Variants in HIVEP2 observed in about 807,000 individuals in gnomAD.
HIVEP2 encodes HIVEP zinc finger 2, also known as transcription factor HIVEP2.
A neutral mutation model predicts 180.7 loss-of-function variants in HIVEP2; 14 were observed. The ratio of observed to expected loss-of-function variants is 0.08; its 90% confidence interval spans 0.05 to 0.12. The LOEUF (loss-of-function observed/expected upper bound fraction) is 0.12, where lower values mean the gene tolerates loss of function less well. HIVEP2 is among the 10% of genes least tolerant of loss of function. HIVEP2 has a pLI of 1.00. For missense variants in HIVEP2, 2,579 were observed against 3,008.5 expected (o/e 0.86, Z 3.34); for synonymous variants, 1,184 against 1,136.4 (o/e 1.04, Z -0.84).
rs117221858 is a variant in HIVEP2 at position 142,886,086 on chromosome 6, G to A, written c.-640-49039C>T. 4.1e-3 allele frequency among the ~76,000 whole-genome samples: 625 copies of A among 152,210 alleles called. 6 individuals carry two copies. Among genetic ancestry groups the A allele is most frequent in the Non-Finnish European group, 3.2e-3 (216 of 67,996 alleles). On this transcript the variant is annotated intron_variant, in intron 1 of 9. Coordinates refer to ENST00000367603, the MANE Select transcript of HIVEP2 (RefSeq NM_006734.4). ...CAAAAATCCTGACATTTTGCCCACTGTATTTGCAGTTATCTTTTTCATGAA... is the reference window on the plus strand; with the variant it reads ...CAAAAATCCTGACATTTTGCCCACTATATTTGCAGTTATCTTTTTCATGAA...
intron 2 of HIVEP2, chr6:142,788,445 G>T (rs1332247419): frequency 6.6e-6 from 1 of 152,302 alleles, no homozygotes; most frequent in Non-Finnish European, 1.5e-5. Flanking sequence ...GGGTATGGTG[G>T]CTCACACCTG....
intron 1 of HIVEP2, among the ~76,000 whole-genome samples, chr6:142,850,492 T>C (rs1269327246): frequency 6.6e-6 from 1 of 152,198 alleles, no homozygotes; most frequent in Non-Finnish European, 1.5e-5. Flanking sequence ...ACTTTGACCA[T>C]ATAATTTTCA....
intron 1 of HIVEP2, among the ~76,000 whole-genome samples, chr6:142,849,762 G>A (rs975168225): frequency 6.6e-6 from 1 of 152,056 alleles, no homozygotes; most frequent in African/African-American, 2.4e-5. Flanking sequence ...CAAGTGATCT[G>A]ATTGCCTTGG....
chr6:142,806,902 G>A (rs1311609324), intron 2 of HIVEP2, among the ~76,000 whole-genome samples: 3 of 152,170 alleles, frequency 2.0e-5, no homozygotes, highest in South Asian at 4.1e-4. Context: ...CCCTCTGGCT[G>A]TAAGGAGCTG....
chr6:142,924,406 T>G (rs1777754053), intron 1 of HIVEP2, among the ~76,000 whole-genome samples: 1 of 152,202 alleles, frequency 6.6e-6, no homozygotes, highest in Non-Finnish European at 1.5e-5. Flanking sequence ...AGACAAACTC[T>G]GCCTTTATTT....
At chr6:142,787,708 G>A (rs1776039783) in intron 2 of HIVEP2, among the ~76,000 whole-genome samples, 1 of 151,988 alleles carries the variant, frequency 6.6e-6, no homozygotes, top group Admixed American at 6.6e-5. Flanking sequence ...CACATACATT[G>A]ACAGGATGAT....
At chr6:142,842,970 G>C (rs1317640170) in intron 1 of HIVEP2, among the ~76,000 whole-genome samples, 2 of 152,164 alleles carry the variant, frequency 1.3e-5, no homozygotes, top group Admixed American at 6.5e-5. Flanking sequence ...TACAGTAAGA[G>C]CAAGCTGTTG....
chr6:142,841,071 G>A (rs191189960), intron 1 of HIVEP2, among the ~76,000 whole-genome samples: 1 of 151,318 alleles, frequency 6.6e-6, no homozygotes, highest in Admixed American at 6.6e-5. Context: ...ACTACCTTTA[G>A]GTCATAGTTC....
chr6:142,881,790 C>T (rs1038814525), intron 1 of HIVEP2, among the ~76,000 whole-genome samples: 2 of 152,180 alleles, frequency 1.3e-5, no homozygotes, highest in Non-Finnish European at 2.9e-5. Context: ...TTCCCAGTCT[C>T]ATGCTCTATG....
At chr6:142,820,193 C>T (rs186783308) in intron 2 of HIVEP2, among the ~76,000 whole-genome samples, 2 of 152,166 alleles carry the variant, frequency 1.3e-5, no homozygotes, top group Non-Finnish European at 2.9e-5. Flanking sequence ...CTGATCTAAC[C>T]TTCATTAATT....
intron 1 of HIVEP2, among the ~76,000 whole-genome samples, chr6:142,936,717 C>T (rs1308824586): frequency 6.6e-6 from 1 of 151,896 alleles, no homozygotes; most frequent in Non-Finnish European, 1.5e-5. Context: ...AGAGAGACCA[C>T]TATAAAAGCA....
chr6:142,876,032 G>C (rs1776426566), intron 1 of HIVEP2, among the ~76,000 whole-genome samples: 1 of 152,142 alleles, frequency 6.6e-6, no homozygotes, highest in South Asian at 2.1e-4. Context: ...AACACTTAGG[G>C]GCAGCCTAGC....
At chr6:142,888,255 G>T (rs1776759220) in intron 1 of HIVEP2, among the ~76,000 whole-genome samples, 1 of 151,942 alleles carries the variant, frequency 6.6e-6, no homozygotes, top group East Asian at 1.9e-4. Flanking sequence ...TGTTGCCCAG[G>T]CTGCAGTGCA....
At chr6:142,832,192 C>CAA (rs71721259) in intron 2 of HIVEP2, among the ~76,000 whole-genome samples, 1,225 of 107,994 alleles carry the variant, frequency 0.011, 15 homozygotes, top group South Asian at 0.044. Flanking sequence ...AATTCTGTCT[C>CAA]AAAAAAAAAA....
intron 1 of HIVEP2, among the ~76,000 whole-genome samples, chr6:142,880,642 G>A (rs892248851): frequency 6.6e-6 from 1 of 152,064 alleles, no homozygotes; most frequent in South Asian, 2.1e-4. Context: ...CATTACAAAC[G>A]GGGAAAGCTG....
intron 9 of HIVEP2, among the ~76,000 whole-genome samples, chr6:142,755,178 T>C (rs1775031888): frequency 6.6e-6 from 1 of 152,348 alleles, no homozygotes; most frequent in South Asian, 2.1e-4. Context: ...TGCTTAGCCC[T>C]TACCCTTCTC....
chr6:142,857,203 T>C (rs1775845383), intron 1 of HIVEP2, among the ~76,000 whole-genome samples: 1 of 151,874 alleles, frequency 6.6e-6, no homozygotes, highest in South Asian at 2.1e-4. Flanking sequence ...GAAGCTTGAG[T>C]TCATGAGCAA....
Position 142,902,162 on chromosome 6 carries a change from C to T in HIVEP2, c.-641+42937G>A, listed in dbSNP as rs142208313. Among the ~76,000 whole-genome samples, 447 of 152,204 alleles carry T rather than the reference C, an allele frequency of 2.9e-3. 3 individuals carry two copies. Among genetic ancestry groups the T allele is most frequent in the African/African-American group, 0.01 (418 of 41,540 alleles). On this transcript the variant is annotated intron_variant, in intron 1 of 9. Coordinates refer to ENST00000367603, the MANE Select transcript of HIVEP2 (RefSeq NM_006734.4). ...GGGCTGACTTCCAAAGAATAGAATA[C>T]AGAGAGAGAAAAAGCAGTAACTTTA...
chr6:142,793,673 TTCTCTCTCTC>T (rs71546219), intron 2 of HIVEP2, among the ~76,000 whole-genome samples: 3 of 107,512 alleles, frequency 2.8e-5, no homozygotes, highest in Middle Eastern at 4.5e-3. Context: ...CTTTCTTTCT[TTCTCTCTCTC>T]TCTCTCTCTC....
Sources: gnomAD v4.1 joint callset for allele counts (sites outside exome capture counted in the v4.1 genomes callset) on GRCh38, gnomAD v4.1.1 for gene constraint, MANE v1.5 for transcripts, NCBI Gene and HGNC (gene_info 2026-07-23, HGNC 2026-07-21) for gene names.